The following MCC variants were observed in gnomAD, a reference collection of about 807,000 sequenced individuals.
MCC encodes colorectal mutant cancer protein.
Under a neutral mutation model 116.2 loss-of-function variants are expected in MCC, and 90 were observed. That is an observed-to-expected ratio of 0.77 (90% CI 0.65 to 0.92). MCC has a LOEUF of 0.92. Ranked by LOEUF, MCC falls within the 40% of genes least tolerant of loss-of-function variation. The pLI, the probability that MCC is intolerant of heterozygous loss-of-function variation, is 0.00. For synonymous variants in MCC, 578 were observed against 510.5 expected, an observed-to-expected ratio of 1.13 and a Z score of -1.78; for missense variants, 1,516 against 1,312.2, an observed-to-expected ratio of 1.16 and a Z score of -2.40.
intron 8 of MCC, among the ~76,000 whole-genome samples, chr5:113,099,184 G>A (rs979327507): frequency 1.1e-4 from 16 of 152,212 alleles, no homozygotes; most frequent in African/African-American, 3.6e-4. Flanking sequence ...ATAAATTCCT[G>A]AGAATATCTC....
chr5:113,240,885 T>A (rs935220592), intron 3 of MCC, among the ~76,000 whole-genome samples: 1 of 152,124 alleles, frequency 6.6e-6, no homozygotes, highest in Non-Finnish European at 1.5e-5. Flanking sequence ...AGGAGCTGGG[T>A]ACTAGGCGAG....
rs550985273 is a variant in MCC, at chr5:113,349,218, G to A, written c.416-8488C>T. On this transcript the variant is annotated intron_variant, in intron 2 of 18. Coordinates refer to ENST00000408903, the MANE Select transcript of MCC (RefSeq NM_001085377.2). Reference sequence around the variant, plus strand: ...CATTCTATGAGGCCAGTATTATCCCGATACCAAAACCAGAAAAAGACACAT... The same window carrying A: ...CATTCTATGAGGCCAGTATTATCCCAATACCAAAACCAGAAAAAGACACAT... 7.9e-5 allele frequency among the ~76,000 whole-genome samples: 12 copies of A among 151,988 alleles called. 1 individual carries two copies. The highest frequency in any genetic ancestry group is 2.1e-4 in the South Asian group (1 of 4,818).
At chr5:113,047,852 C>G (rs1384124976) in intron 16 of MCC, among the ~76,000 whole-genome samples, 1 of 151,384 alleles carries the variant, frequency 6.6e-6, no homozygotes, top group Non-Finnish European at 1.5e-5. Context: ...AAAAAAACAC[C>G]TGGGGGCTGA....
chr5:113,300,130 A>G (rs1446624303), intron 3 of MCC, among the ~76,000 whole-genome samples: 1 of 152,154 alleles, frequency 6.6e-6, no homozygotes, highest in Non-Finnish European at 1.5e-5. Context: ...CAGAAACTCT[A>G]TTCTGGGTCT....
At chr5:113,406,219 A>C (rs1421307855) in intron 1 of MCC, among the ~76,000 whole-genome samples, 1 of 152,208 alleles carries the variant, frequency 6.6e-6, no homozygotes, top group African/African-American at 2.4e-5. Flanking sequence ...TAAGTTAATT[A>C]CAAACAAATC....
chr5:113,180,939 T>C (rs1025921606), intron 3 of MCC, among the ~76,000 whole-genome samples: 1 of 151,856 alleles, frequency 6.6e-6, no homozygotes, highest in Non-Finnish European at 1.5e-5. Flanking sequence ...ATCATTTATG[T>C]CTTTACAGTT....
intron 17 of MCC, among the ~76,000 whole-genome samples, chr5:113,038,957 G>A (rs1751500785): frequency 6.6e-6 from 1 of 152,162 alleles, no homozygotes; most frequent in African/African-American, 2.4e-5. Context: ...CAGTTCCCTG[G>A]AGGGCTGGGC....
chr5:113,057,276 G>A (rs1752898144), intron 14 of MCC, among the ~76,000 whole-genome samples: 2 of 152,128 alleles, frequency 1.3e-5, no homozygotes, highest in African/African-American at 4.8e-5. Flanking sequence ...GTTTTAACAG[G>A]GAGGGATGTG....
At chr5:113,040,224 G>C (rs1402654369) in intron 17 of MCC, among the ~76,000 whole-genome samples, 2 of 151,746 alleles carry the variant, frequency 1.3e-5, no homozygotes, top group Admixed American at 6.6e-5. Flanking sequence ...ACAGAAGAAA[G>C]TTAGGAGAAG....
chr5:113,170,523 G>A (rs769159310), intron 3 of MCC, among the ~76,000 whole-genome samples: 2 of 151,968 alleles, frequency 1.3e-5, no homozygotes, highest in African/African-American at 2.4e-5. Flanking sequence ...GTCCCTATCT[G>A]CTTGTGGGAA....
rs149398587 is a variant in MCC at position 113,344,089 on chromosome 5, G to T, written c.416-3359C>A. Among the ~76,000 whole-genome samples, 295 of 152,288 alleles carry T rather than the reference G, an allele frequency of 1.9e-3. 1 individual carries two copies. Among genetic ancestry groups the T allele is most frequent in the African/African-American group, 6.8e-3 (284 of 41,560 alleles). Reference sequence around the variant, plus strand: ...ACTCCTCCCGTACTCTCCAGCAGTGGTTATGTACCATGGAGAATCTGTGCT... The same window carrying T: ...ACTCCTCCCGTACTCTCCAGCAGTGTTTATGTACCATGGAGAATCTGTGCT... On this transcript the variant is annotated intron_variant, in intron 2 of 18. Coordinates refer to ENST00000408903, the MANE Select transcript of MCC (RefSeq NM_001085377.2).
At chr5:113,053,700 C>T (rs1349609888) in intron 15 of MCC, 25 bp downstream of exon 15, 23 of 1,556,726 alleles carry the variant, frequency 1.5e-5, no homozygotes, top group Non-Finnish European at 2.0e-5. Flanking sequence ...GGCAGCCTAG[C>T]ACATGGGACC....
intron 9 of MCC, among the ~76,000 whole-genome samples, chr5:113,084,461 A>T (rs1755063922): frequency 6.6e-6 from 1 of 152,240 alleles, no homozygotes; most frequent in Admixed American, 6.5e-5. Context: ...CTCTAGCCAC[A>T]AGATGCCAGT....
intron 2 of MCC, among the ~76,000 whole-genome samples, chr5:113,378,429 T>C (rs1769035787): frequency 6.6e-6 from 1 of 152,158 alleles, no homozygotes; most frequent in Non-Finnish European, 1.5e-5. Flanking sequence ...TTTGGAGATA[T>C]AGGTTATTGG....
At chr5:113,192,079 G>T (rs1484597295) in intron 3 of MCC, among the ~76,000 whole-genome samples, 3 of 152,182 alleles carry the variant, frequency 2.0e-5, no homozygotes, top group Non-Finnish European at 4.4e-5. Context: ...ACTAGAAGAT[G>T]ATGTTTATGT....
intron 3 of MCC, among the ~76,000 whole-genome samples, chr5:113,273,616 T>G (rs1434555462): frequency 1.3e-5 from 2 of 152,056 alleles, no homozygotes; most frequent in Non-Finnish European, 2.9e-5. Flanking sequence ...AATTTAGATG[T>G]GTGTGTGTAG....
chr5:113,280,321 G>GT lies in MCC; in HGVS notation c.627+60197dup, dbSNP rs147702788. Among the ~76,000 whole-genome samples, 1,011 of 152,272 alleles carry GT rather than the reference G, an allele frequency of 6.6e-3. 7 individuals carry two copies. Among genetic ancestry groups the GT allele is most frequent in the African/African-American group, 0.023 (966 of 41,544 alleles). On this transcript the variant is annotated intron_variant, in intron 3 of 18. Coordinates refer to ENST00000408903, the MANE Select transcript of MCC (RefSeq NM_001085377.2). ...TGATATAAAAGTAGTTGCCCTATGT[G>GT]TAACTTTTCTATCTATCTCCTAGTA... is the stretch of plus-strand genomic sequence containing the variant.
At chr5:113,104,782 A>G (rs1756635572) in intron 6 of MCC, among the ~76,000 whole-genome samples, 1 of 152,216 alleles carries the variant, frequency 6.6e-6, no homozygotes, top group South Asian at 2.1e-4. Context: ...TATTTTGAAA[A>G]ACAGAAACTG....
intron 3 of MCC, among the ~76,000 whole-genome samples, chr5:113,337,662 G>C (rs952947789): frequency 2.6e-5 from 4 of 152,124 alleles, no homozygotes; most frequent in African/African-American, 9.7e-5. Flanking sequence ...GTGAATTACT[G>C]TGTGCTTTCT....
Sources: gnomAD v4.1 joint callset for allele counts (sites outside exome capture counted in the v4.1 genomes callset) on GRCh38, gnomAD v4.1.1 for gene constraint, MANE v1.5 for transcripts, NCBI Gene and HGNC (gene_info 2026-07-23, HGNC 2026-07-21) for gene names.